The following LRBA variants were observed in gnomAD, a reference collection of about 807,000 sequenced individuals.
LRBA encodes lipopolysaccharide-responsive and beige-like anchor protein.
LRBA carries 176 observed loss-of-function variants against 330.0 expected under a neutral mutation model. The ratio of observed to expected loss-of-function variants is 0.53; its 90% confidence interval spans 0.47 to 0.60. The LOEUF (loss-of-function observed/expected upper bound fraction) is 0.60. LRBA is among the 20% of genes least tolerant of loss of function. LRBA has a pLI of 0.00. For missense variants in LRBA, 3,259 were observed against 3,444.8 expected (o/e 0.95, Z 1.35); for synonymous variants, 1,230 against 1,193.0 (o/e 1.03, Z -0.64).
At chr4:150,993,554 T>G (rs774827923) in intron 2 of LRBA, among the ~76,000 whole-genome samples, 1 of 152,114 alleles carries the variant, frequency 6.6e-6, no homozygotes, top group Non-Finnish European at 1.5e-5. Context: ...TCCATTTTCA[T>G]GCTATTGATA....
rs149148368 is a variant in LRBA at position 150,896,411 on chromosome 4, G to A, written c.2050C>T (p.Leu684=). 114 of 1,539,894 alleles carry A rather than the reference G, an allele frequency of 7.4e-5. No individual in the cohort carries two copies. The highest frequency in any genetic ancestry group is 2.3e-4 in the Admixed American group (13 of 56,928). ...EDELQAILNY[L]LTMHEDDNLM... is the part of the protein sequence containing the mutation. Reference sequence around the variant, plus strand: ...TATATTACCTCATGCATAGTCAGTAGGTAATTAAGAATGGCCTGTAATTCA... The same window carrying A: ...TATATTACCTCATGCATAGTCAGTAAGTAATTAAGAATGGCCTGTAATTCA... Residue 684 remains leucine, a synonymous_variant, in exon 16 of 57, where the codon CTA becomes TTA. Transcript: ENST00000651943.
At chr4:150,956,126 AT>A (rs769480547) in intron 2 of LRBA, among the ~76,000 whole-genome samples, 28 of 149,228 alleles carry the variant, frequency 1.9e-4, no homozygotes, top group Non-Finnish European at 3.8e-4. Context: ...AAATTGACAG[AT>A]TTTTAGTTAG....
intron 2 of LRBA, among the ~76,000 whole-genome samples, chr4:150,995,223 G>A (rs2149636320): frequency 6.6e-6 from 1 of 152,148 alleles, no homozygotes; most frequent in African/African-American, 2.4e-5. Flanking sequence ...TGGGTTGGAA[G>A]AGACTAGAGC....
At chr4:150,471,946 C>T (rs1001618799) in intron 42 of LRBA, among the ~76,000 whole-genome samples, 2 of 151,950 alleles carry the variant, frequency 1.3e-5, no homozygotes, top group Non-Finnish European at 2.9e-5. Flanking sequence ...ATGTTGTATT[C>T]ATTCAGGTAA....
At chr4:150,362,238 T>A (rs989973783) in intron 47 of LRBA, among the ~76,000 whole-genome samples, 13 of 152,230 alleles carry the variant, frequency 8.5e-5, no homozygotes, top group African/African-American at 3.1e-4. Context: ...CATCTTGACT[T>A]CTCCTTTCCC....
rs1277069434 is a variant in LRBA at position 150,950,572 on chromosome 4, A to AT, written c.217-21508_217-21507insA. Among the ~76,000 whole-genome samples the AT allele has an allele frequency of 5.9e-5, 4 of 67,786 alleles. No homozygotes were observed. The East Asian group carries it at 1.6e-3, about 27-fold the overall frequency. The allele number at this position is 67,786 out of a possible 152,430, so 44.5% of individuals were successfully genotyped here. A position where few individuals can be genotyped will look rare whatever the true frequency, so the allele number is the denominator to read the frequency against. Reference sequence around the variant, plus strand: ...AAGATCTATATATTAGGTTTTCTCCACCAAAAAAAAAAAATGTACTTTTAG... The same window carrying AT: ...AAGATCTATATATTAGGTTTTCTCCATCCAAAAAAAAAAAATGTACTTTTAG... On this transcript the variant is annotated intron_variant, in intron 2 of 56. Coordinates refer to ENST00000651943, the MANE Select transcript of LRBA (RefSeq NM_001364905.1).
intron 35 of LRBA, among the ~76,000 whole-genome samples, chr4:150,738,879 G>A (rs1326749728): frequency 6.6e-6 from 1 of 151,726 alleles, no homozygotes; most frequent in Non-Finnish European, 1.5e-5. Context: ...ACAAGATGTG[G>A]AGCAAATATA....
At chr4:150,554,932 C>T (rs1767102390) in intron 40 of LRBA, among the ~76,000 whole-genome samples, 2 of 151,956 alleles carry the variant, frequency 1.3e-5, no homozygotes, top group Admixed American at 1.3e-4. Context: ...TTCATTCATT[C>T]AAAAAATAAG....
At chr4:150,789,401 T>C (rs1739568968) in intron 34 of LRBA, among the ~76,000 whole-genome samples, 2 of 152,320 alleles carry the variant, frequency 1.3e-5, no homozygotes, top group Non-Finnish European at 2.9e-5. Context: ...CTAAAAAATG[T>C]ACAATAGATG....
At chr4:150,656,584 C>T (rs578192015) in intron 37 of LRBA, among the ~76,000 whole-genome samples, 2 of 152,320 alleles carry the variant, frequency 1.3e-5, no homozygotes, top group East Asian at 3.9e-4. Flanking sequence ...CACAGAACTA[C>T]TCAGAACAAC....
intron 36 of LRBA, among the ~76,000 whole-genome samples, chr4:150,693,818 A>T (rs1223372182): frequency 6.6e-6 from 1 of 152,070 alleles, no homozygotes; most frequent in African/African-American, 2.4e-5. Context: ...TCAGAGTAAT[A>T]AGTTTTTTAA....
chr4:150,311,328 A>G (rs1247594783), intron 51 of LRBA: 2 of 152,334 alleles, frequency 1.3e-5, no homozygotes, highest in East Asian at 3.9e-4. Context: ...TGATTGTACC[A>G]GAAATCAGAA....
chr4:150,819,228 C>A (rs1578883731), intron 30 of LRBA, among the ~76,000 whole-genome samples: 1 of 148,900 alleles, frequency 6.7e-6, no homozygotes. Flanking sequence ...ACAGACAAAA[C>A]TAATTTATGG....
chr4:150,870,873 G>C (rs960360619), intron 19 of LRBA, among the ~76,000 whole-genome samples: 1 of 152,146 alleles, frequency 6.6e-6, no homozygotes, highest in Admixed American at 6.5e-5. Flanking sequence ...ATACTGTTTA[G>C]AAATTCACAG....
intron 37 of LRBA, among the ~76,000 whole-genome samples, chr4:150,633,548 G>A (rs1391870582): frequency 5.3e-5 from 8 of 152,110 alleles, no homozygotes; most frequent in Admixed American, 1.3e-4. Flanking sequence ...GAAAGGCATC[G>A]TAGTTCATCC....
At chr4:150,403,597 C>A (rs1025526209) in intron 47 of LRBA, among the ~76,000 whole-genome samples, 1 of 151,762 alleles carries the variant, frequency 6.6e-6, no homozygotes, top group African/African-American at 2.4e-5. Context: ...AACTTCAAAC[C>A]TATAGTAACT....
intron 40 of LRBA, 31 bp from the exon 41 acceptor site, chr4:150,491,066 T>A: frequency 9.4e-7 from 1 of 1,058,828 alleles, no homozygotes; most frequent in Non-Finnish European, 1.4e-6. Context: ...CCCAGGTAAG[T>A]AACAATACTT....
chr4:150,777,727 C>T (rs976617326), intron 34 of LRBA, among the ~76,000 whole-genome samples: 1 of 151,922 alleles, frequency 6.6e-6, no homozygotes, highest in African/African-American at 2.4e-5. Context: ...CATCTGTAAT[C>T]CCAGCACTCT....
intron 37 of LRBA, among the ~76,000 whole-genome samples, chr4:150,641,290 T>C (rs1778656259): frequency 6.6e-6 from 1 of 152,190 alleles, no homozygotes; most frequent in Admixed American, 6.5e-5. Context: ...ATTTTTATCA[T>C]TGGTTTTTCA....
Sources: gnomAD v4.1 joint callset for allele counts (sites outside exome capture counted in the v4.1 genomes callset) on GRCh38, gnomAD v4.1.1 for gene constraint, MANE v1.5 for transcripts, NCBI Gene and HGNC (gene_info 2026-07-23, HGNC 2026-07-21) for gene names.